TNKS2: variants seen among roughly 807,000 people sequenced by gnomAD.
TNKS2 encodes the protein tankyrase 2.
Under a neutral mutation model 137.6 loss-of-function variants are expected in TNKS2, and 72 were observed. The observed-to-expected ratio is 0.52, with a 90% CI of 0.43 to 0.64. The LOEUF is 0.64. Among genes scored for constraint, TNKS2 ranks in the 30% least tolerant of loss-of-function variants. The probability of loss-of-function intolerance (pLI) is 0.00; values close to 1 mark genes in which losing one functional copy is unlikely to be tolerated. For synonymous variants in TNKS2, 516 were observed against 512.1 expected, an observed-to-expected ratio of 1.01 and a Z score of -0.10; for missense variants, 1,049 against 1,410.2, an observed-to-expected ratio of 0.74 and a Z score of 4.10.
chr10:91,846,793 A>G (rs1474104124), intron 18 of TNKS2, among the ~76,000 whole-genome samples: 1 of 151,694 alleles, frequency 6.6e-6, no homozygotes, highest in Non-Finnish European at 1.5e-5. Context: ...CTTCAGGGAA[A>G]TATCTTTCTA....
intron 7 of TNKS2, among the ~76,000 whole-genome samples, chr10:91,825,069 G>C (rs1476077662): frequency 6.6e-6 from 1 of 151,926 alleles, no homozygotes; most frequent in Non-Finnish European, 1.5e-5. Flanking sequence ...TAGGCTCTCG[G>C]TTTGGTTTGG....
chr10:91,801,002 GT>G (rs1844147393), intron 1 of TNKS2, among the ~76,000 whole-genome samples: 1 of 152,138 alleles, frequency 6.6e-6, no homozygotes, highest in Admixed American at 6.5e-5. Context: ...TCTTGTGTTT[GT>G]ACTTCAGTCA....
rs71025367 is a variant in TNKS2, at chr10:91,838,036, A to ATTTTTTTTTT, written c.1527+1057_1527+1066dup. On this transcript the variant is annotated intron_variant, in intron 13 of 26. Transcript: ENST00000371627. ...AAATTGAGTTGAAAGCAATTAGCTGATTTTTTTTTTTTTTTTTTTTTTTTT... is the reference window on the plus strand; with the variant it reads ...AAATTGAGTTGAAAGCAATTAGCTGATTTTTTTTTTTTTTTTTTTTTTTTTTTTTTTTTTT... 2.1e-4 allele frequency among the ~76,000 whole-genome samples: 11 copies of ATTTTTTTTTT among 51,232 alleles called. 1 individual carries two copies. Among genetic ancestry groups the ATTTTTTTTTT allele is most frequent in the African/African-American group, 4.7e-4 (6 of 12,722 alleles). The allele number at this position is 51,232 out of a possible 152,430, so 33.6% of individuals were successfully genotyped here.
At chr10:91,840,451 A>G (rs768118623) in intron 13 of TNKS2, 110 bp from the exon 14 acceptor site, 8 of 963,028 alleles carry the variant, frequency 8.3e-6, no homozygotes, top group Non-Finnish European at 1.2e-5. Context: ...TACTGATTTA[A>G]TGAGACAAGA....
At position 91,827,106 on chromosome 10, in the gene TNKS2, T is replaced by C. The variant is rs1845093510; in HGVS notation, c.885T>C (p.Leu295=). The C allele has an allele frequency of 1.2e-6, 2 of 1,612,314 alleles. No individual in the cohort carries two copies. Among genetic ancestry groups the C allele is most frequent in the African/African-American group, 1.3e-5 (1 of 74,908 alleles). The part of the protein sequence containing the change: ...ASKNRVEVCS[L]LLSYGADPTL... The stretch of plus-strand genomic sequence containing the variant: ...AGAACAGGGTTGAAGTATGTTCTCT[T>C]CTCTTAAGTTATGGTGCAGACCCAA... Residue 295 remains leucine (L), a synonymous_variant, in exon 8 of 27, where the codon CTT becomes CTC. Transcript: ENST00000371627.
intron 7 of TNKS2, among the ~76,000 whole-genome samples, chr10:91,823,064 A>G (rs1564612192): frequency 1.3e-5 from 2 of 151,572 alleles, no homozygotes; most frequent in East Asian, 2.0e-4. Context: ...AAAAAAAAAA[A>G]TAATGTAGAA....
At chr10:91,862,821 T>G in intron 26 of TNKS2, 116 bp from the exon 27 acceptor site, 1 of 659,094 alleles carries the variant, frequency 1.5e-6, no homozygotes, top group Non-Finnish European at 2.6e-6. Context: ...TAGATGATTC[T>G]GATCTACAAC....
intron 1 of TNKS2, among the ~76,000 whole-genome samples, chr10:91,804,572 T>C (rs1028598438): frequency 1.3e-5 from 2 of 152,238 alleles, no homozygotes; most frequent in Non-Finnish European, 2.9e-5. Flanking sequence ...AGATTTACAT[T>C]GACTCTGATG....
intron 19 of TNKS2, 109 bp from the exon 20 acceptor site, chr10:91,849,397 CTATTAA>C: frequency 1.4e-6 from 1 of 714,910 alleles, no homozygotes; most frequent in Non-Finnish European, 2.2e-6. Flanking sequence ...TCCTAAGTGG[CTATTAA>C]TATTATTTTC....
intron 3 of TNKS2, among the ~76,000 whole-genome samples, chr10:91,818,786 G>T (rs1844791318): frequency 6.6e-6 from 1 of 152,142 alleles, no homozygotes; most frequent in Non-Finnish European, 1.5e-5. Context: ...ACCCACCTCA[G>T]CCTCCCAAAG....
chr10:91,831,507 C>A (rs956348645), intron 11 of TNKS2, among the ~76,000 whole-genome samples: 16 of 152,214 alleles, frequency 1.1e-4, no homozygotes, highest in Admixed American at 7.2e-4. Flanking sequence ...TCTTCTAATT[C>A]TTGGTTGTCA....
chr10:91,834,034 G>A lies in TNKS2; in HGVS notation c.1447+10G>A, dbSNP rs199501568. ...CAGCAACTCCTCCAAGGTATTACAT[G>A]CTTCAATGAAATTGATTTTTTTAAA... is the stretch of plus-strand genomic sequence containing the variant. On this transcript the variant is annotated intron_variant, in intron 12 of 26. Coordinates refer to ENST00000371627, the MANE Select transcript of TNKS2 (RefSeq NM_025235.4). The A allele has an allele frequency of 1.3e-6, 2 of 1,516,500 alleles. No homozygotes were observed. Among genetic ancestry groups the A allele is most frequent in the East Asian group, 2.3e-5 (1 of 42,720 alleles). The allele number at this position is 1,516,500 out of a possible 1,614,324, so 93.9% of individuals were successfully genotyped here.
At chr10:91,815,612 A>G (rs535206720) in intron 2 of TNKS2, among the ~76,000 whole-genome samples, 6 of 152,272 alleles carry the variant, frequency 3.9e-5, no homozygotes, top group African/African-American at 1.4e-4. Context: ...TAAAATATCT[A>G]ATTTTATATT....
chr10:91,828,451 G>A (rs1572934), intron 9 of TNKS2, 45 bp downstream of exon 9: 919,997 of 1,476,122 alleles, frequency 0.62, 295,547 homozygotes, highest in East Asian at 0.93. Flanking sequence ...AACGAAGAAC[G>A]TGCTAAACTA....
intron 2 of TNKS2, among the ~76,000 whole-genome samples, chr10:91,816,686 C>CTT (rs34591746): frequency 0.12 from 17,393 of 147,680 alleles, 1,998 homozygotes; most frequent in African/African-American, 0.29. Context: ...GTGTGATTTT[C>CTT]TTTTTTTTTT....
intron 23 of TNKS2, among the ~76,000 whole-genome samples, chr10:91,857,027 A>G (rs1842725621): frequency 6.6e-6 from 1 of 152,130 alleles, no homozygotes; most frequent in Non-Finnish European, 1.5e-5. Flanking sequence ...TTAATTTAAA[A>G]CAGATTAATA....
Position 91,820,029 on chromosome 10 carries a change from A to G in TNKS2, c.724A>G (p.Lys242Glu). ...QHGADVHAKD[K>E]GDLVPLHNAC... is the part of the protein sequence containing the mutation. ...TGGAGCTGATGTCCATGCTAAAGAT[A>G]AAGGGTAAGCATTTGAACAAAAACA... The change falls in exon 6 of 27, where the codon AAA (lysine) becomes GAA (glutamate). Residue 242 changes from lysine to glutamate, a missense_variant. Lys to Glu is a moderately conservative substitution (Grantham distance 56). This residue lies in a region of TNKS2 where 374 missense variants were observed against 460.8 expected (regional missense o/e 0.81). Transcript: ENST00000371627. 1 of 1,575,576 alleles carries G rather than the reference A, an allele frequency of 6.3e-7. No homozygotes were observed.
chr10:91,847,563 TCAC>T (rs1321796938), intron 18 of TNKS2, among the ~76,000 whole-genome samples: 1 of 100,142 alleles, frequency 1.0e-5, no homozygotes, highest in East Asian at 3.7e-4. Flanking sequence ...AAATGGGGTT[TCAC>T]CATGTTGGCC....
chr10:91,798,868 A>C lies in TNKS2; in HGVS notation c.178A>C (p.Thr60Pro). The C allele has an allele frequency of 2.2e-6, 3 of 1,360,646 alleles. No homozygotes were observed. Among genetic ancestry groups the C allele is most frequent in the Non-Finnish European group, 2.9e-6 (3 of 1,048,400 alleles). The allele number at this position is 1,360,646 out of a possible 1,614,324, so 84.3% of individuals were successfully genotyped here. Residue 60 changes from threonine (T) to proline (P), a missense_variant, in exon 1 of 27, where the codon ACC becomes CCC. By Grantham distance (38) the Thr-to-Pro change is conservative. Transcript: ENST00000371627. ...CCGCGACACGGCGGGCAGGAAATCCACCCCGCTGCACTTCGCCGCAGGTAA... is the reference window on the plus strand; with the variant it reads ...CCGCGACACGGCGGGCAGGAAATCCCCCCCGCTGCACTTCGCCGCAGGTAA... ...NSRDTAGRKS[T>P]PLHFAAGFGR...
Sources: allele counts gnomAD v4.1 joint callset (sites outside exome capture counted in the v4.1 genomes callset), GRCh38; gene constraint gnomAD v4.1.1; regional missense constraint gnomAD v4.1.1; transcripts MANE v1.5; gene names NCBI Gene and HGNC (gene_info 2026-07-23, HGNC 2026-07-21).